N4BP2: variants seen among roughly 807,000 people sequenced by gnomAD.
The protein encoded by N4BP2 is NEDD4 binding protein 2.
Under a neutral mutation model 152.8 loss-of-function variants are expected in N4BP2, and 91 were observed. The observed-to-expected ratio is 0.60, with a 90% CI of 0.50 to 0.71. The LOEUF (loss-of-function observed/expected upper bound fraction) is 0.71. Among genes scored for constraint, N4BP2 ranks in the 30% least tolerant of loss-of-function variants. N4BP2 has a pLI of 0.00. For synonymous variants in N4BP2, 646 were observed against 705.3 expected (o/e 0.92, Z 1.33); for missense variants, 1,923 against 2,059.1 (o/e 0.93, Z 1.28).
intron 14 of N4BP2, 111 bp from the exon 15 acceptor site, chr4:40,142,562 G>A (rs547760483): frequency 6.0e-6 from 4 of 668,118 alleles, no homozygotes; most frequent in African/African-American, 3.6e-5. Context: ...CCTGAGGAGA[G>A]AGATGAAAAT....
chr4:40,142,306 G>C, intron 14 of N4BP2: 1 of 321,718 alleles, frequency 3.1e-6, no homozygotes, highest in Non-Finnish European at 6.2e-6. Context: ...CCTCTCTCTG[G>C]CGGTGGTGGC....
chr4:40,070,525 T>G (rs1712044424), intron 1 of N4BP2, among the ~76,000 whole-genome samples: 1 of 152,160 alleles, frequency 6.6e-6, no homozygotes. Context: ...CATGGCTTAC[T>G]GCAGCCTTGA....
chr4:40,175,027 G>A, the N4BP2 span, among the ~76,000 whole-genome samples: 1 of 151,966 alleles, frequency 6.6e-6, no homozygotes, highest in African/African-American at 2.4e-5. Flanking sequence ...ATTTTGTTTT[G>A]TTTTGTTTTT....
In N4BP2 at chr4:40,126,146, T is replaced by C. The variant is rs758397642; in HGVS notation, c.4343T>C (p.Val1448Ala). Residue 1448 changes from valine to alanine, a missense_variant, in exon 12 of 18, where the codon GTT (valine) becomes GCT (alanine). By Grantham distance (64) the Val-to-Ala change is moderately conservative. Transcript: ENST00000261435. ...TACTACTTTGTAGATCCTTCCTTGGTTGGACATACTGGGCTTGATAATCCT... is the reference window on the plus strand; with the variant it reads ...TACTACTTTGTAGATCCTTCCTTGGCTGGACATACTGGGCTTGATAATCCT... ...CGKFMQDPSL[V>A]GHTGLDNPEQ... is the part of the protein sequence containing the mutation. 4 of 1,584,842 alleles carry C rather than the reference T, an allele frequency of 2.5e-6. No homozygotes were observed. The South Asian group carries it at 3.5e-5, about 14-fold the overall frequency.
intron 1 of N4BP2, among the ~76,000 whole-genome samples, chr4:40,071,895 A>T (rs1400225789): frequency 5.9e-5 from 9 of 151,318 alleles, no homozygotes; most frequent in Non-Finnish European, 8.8e-5. Flanking sequence ...AAACATTTTT[A>T]TTTTATTTTA....
intron 1 of N4BP2, among the ~76,000 whole-genome samples, chr4:40,070,174 A>G (rs1176158913): frequency 6.6e-6 from 1 of 152,234 alleles, no homozygotes; most frequent in African/African-American, 2.4e-5. Flanking sequence ...TTATCTACAT[A>G]TATAAATTTC....
intron 2 of N4BP2, chr4:40,083,069 A>G (rs1366590306): frequency 8.6e-6 from 2 of 232,468 alleles, no homozygotes; most frequent in Non-Finnish European, 8.9e-6. Flanking sequence ...ACTTCAGCCC[A>G]CGCCCTGTGC....
chr4:40,102,928 G>T lies in N4BP2; in HGVS notation c.1083G>T (p.Pro361=), dbSNP rs774272435. 57 of 1,614,146 alleles carry T rather than the reference G, an allele frequency of 3.5e-5. No individual in the cohort carries two copies. Among genetic ancestry groups the T allele is most frequent in the Non-Finnish European group, 4.5e-5 (53 of 1,180,042 alleles). Reference sequence around the variant, plus strand: ...TGTTGCCTCCTCCGCCACCTCCACCGATGTGGAATCCAATGATTCCTGCTT... The same window carrying T: ...TGTTGCCTCCTCCGCCACCTCCACCTATGTGGAATCCAATGATTCCTGCTT... ...PLLLPPPPPP[P]MWNPMIPAFD... Residue 361 remains proline (P), a synonymous_variant, in exon 4 of 18, where the codon CCG becomes CCT. Transcript: ENST00000261435.
At chr4:40,132,868 G>T (rs1719023113) in intron 13 of N4BP2, among the ~76,000 whole-genome samples, 2 of 149,826 alleles carry the variant, frequency 1.3e-5, no homozygotes, top group East Asian at 1.9e-4. Flanking sequence ...GGTAGGAATT[G>T]ATTTACTAAT....
intron 2 of N4BP2, among the ~76,000 whole-genome samples, chr4:40,080,702 G>A (rs1713271267): frequency 2.0e-5 from 3 of 151,470 alleles, no homozygotes; most frequent in Non-Finnish European, 4.4e-5. Flanking sequence ...AATCTCGCCC[G>A]GCTGGAGTGC....
intron 1 of N4BP2, among the ~76,000 whole-genome samples, chr4:40,058,567 C>G (rs1170020348): frequency 6.6e-6 from 1 of 152,160 alleles, no homozygotes; most frequent in Non-Finnish European, 1.5e-5. Context: ...CAGTTGAAAT[C>G]AGCACGCAGT....
In N4BP2 at chr4:40,154,211, G is replaced by T. The variant is rs765372011; in HGVS notation, c.5287G>T (p.Gly1763Trp). The T allele has an allele frequency of 6.9e-6, 11 of 1,602,252 alleles. No individual in the cohort carries two copies. Among genetic ancestry groups the T allele is most frequent in the Non-Finnish European group, 9.4e-6 (11 of 1,175,242 alleles). ...HSFRFSEIKPGCLKVMLK is the reference protein window; with the variant it reads ...HSFRFSEIKPWCLKVMLK ...CTGCAGGTTCTCTGAAATTAAACCA[G>T]GGTGCTTGAAAGTCATGCTAAAGTA... Residue 1763 changes from glycine to tryptophan, a missense_variant, in exon 18 of 18, where the codon GGG becomes TGG. Gly to Trp is a radical substitution (Grantham distance 184). Coordinates refer to ENST00000261435, the MANE Select transcript of N4BP2 (RefSeq NM_018177.6).
intron 8 of N4BP2, among the ~76,000 whole-genome samples, chr4:40,118,855 A>T (rs1035712087): frequency 3.3e-5 from 5 of 152,254 alleles, no homozygotes; most frequent in African/African-American, 1.2e-4. Context: ...CACATAAACA[A>T]TTGAATAAAT....
At chr4:40,149,678 A>G (rs879514770) in intron 16 of N4BP2, among the ~76,000 whole-genome samples, 2 of 152,034 alleles carry the variant, frequency 1.3e-5, no homozygotes, top group African/African-American at 2.4e-5. Flanking sequence ...GCGGATCACG[A>G]GGTCAGGAGA....
intron 16 of N4BP2, among the ~76,000 whole-genome samples, chr4:40,147,457 C>A (rs1409449322): frequency 1.3e-5 from 2 of 152,096 alleles, no homozygotes; most frequent in East Asian, 3.9e-4. Context: ...GGTGGCCGGG[C>A]AGAGGGGCTC....
chr4:40,116,929 G>C (rs1379398153), intron 7 of N4BP2, among the ~76,000 whole-genome samples: 1 of 145,432 alleles, frequency 6.9e-6, no homozygotes, highest in South Asian at 2.2e-4. Flanking sequence ...TGTTAAGTCA[G>C]CTGTCATTCT....
intron 16 of N4BP2, among the ~76,000 whole-genome samples, chr4:40,148,241 G>T (rs1720790148): frequency 6.6e-6 from 1 of 152,232 alleles, no homozygotes; most frequent in Non-Finnish European, 1.5e-5. Flanking sequence ...TCGCGGTTAG[G>T]AGCTGGAGAG....
In N4BP2 at chr4:40,127,822, G is replaced by A. The variant is rs369512401; in HGVS notation, c.4527+1492G>A. 1.7e-4 allele frequency among the ~76,000 whole-genome samples: 26 copies of A among 152,054 alleles called. No homozygotes were observed. In the South Asian group the frequency reaches 5.0e-3, roughly 29 times the overall value. ...ACTACAGGTGCCTGCCACCGCGCCC[G>A]GCTAATTTTTTGTATTTTTTAGTAG... is the stretch of plus-strand genomic sequence containing the variant. On this transcript the variant is annotated intron_variant, in intron 12 of 17. Coordinates refer to ENST00000261435, the MANE Select transcript of N4BP2 (RefSeq NM_018177.6).
chr4:40,149,670 G>C (rs1271724202), intron 16 of N4BP2, among the ~76,000 whole-genome samples: 2 of 151,806 alleles, frequency 1.3e-5, no homozygotes, highest in Non-Finnish European at 2.9e-5. Flanking sequence ...CGAGGCTGGC[G>C]GATCACGAGG....
Sources: gnomAD v4.1 joint callset for allele counts (sites outside exome capture counted in the v4.1 genomes callset) on GRCh38, gnomAD v4.1.1 for gene constraint, MANE v1.5 for transcripts, NCBI Gene and HGNC (gene_info 2026-07-23, HGNC 2026-07-21) for gene names.